Variants in GRM7 observed in about 807,000 individuals in gnomAD.
GRM7 encodes the protein metabotropic glutamate receptor 7.
GRM7 carries 35 observed loss-of-function variants against 84.5 expected under a neutral mutation model. The ratio of observed to expected loss-of-function variants is 0.41; its 90% CI spans 0.32 to 0.55. GRM7 has a LOEUF of 0.55. Ranked by LOEUF, GRM7 falls within the 20% of genes least tolerant of loss-of-function variation. The pLI, the probability that GRM7 is intolerant of heterozygous loss-of-function variation, is 0.19. For missense variants in GRM7, 1,003 were observed against 1,194.6 expected, an observed-to-expected ratio of 0.84 and a Z score of 2.36; for synonymous variants, 487 against 455.1, an observed-to-expected ratio of 1.07 and a Z score of -0.89.
At chr3:7,438,628 G>A (rs916619706) in intron 5 of GRM7, among the ~76,000 whole-genome samples, 1 of 152,000 alleles carries the variant, frequency 6.6e-6, no homozygotes, top group Non-Finnish European at 1.5e-5. Flanking sequence ...GAGAACAAAT[G>A]TAAGGAGAGG....
intron 4 of GRM7, among the ~76,000 whole-genome samples, chr3:7,323,091 C>T (rs188754477): frequency 3.9e-5 from 6 of 152,220 alleles, no homozygotes; most frequent in Non-Finnish European, 5.9e-5. Context: ...ATGAATTGTA[C>T]AAGAGAATTG....
chr3:7,436,794 C>T (rs549459494), intron 5 of GRM7, among the ~76,000 whole-genome samples: 2 of 152,302 alleles, frequency 1.3e-5, no homozygotes, highest in Non-Finnish European at 2.9e-5. Flanking sequence ...ATGAACTTTG[C>T]AGTCAGTCAA....
intron 1 of GRM7, among the ~76,000 whole-genome samples, chr3:7,016,788 A>G (rs1032677955): frequency 6.6e-6 from 1 of 152,220 alleles, no homozygotes; most frequent in Non-Finnish European, 1.5e-5. Flanking sequence ...GATTGCCACT[A>G]TAGTATTGTT....
intron 2 of GRM7, among the ~76,000 whole-genome samples, chr3:7,165,469 G>A (rs568502489): frequency 5.6e-4 from 86 of 152,288 alleles, no homozygotes; most frequent in African/African-American, 2.0e-3. Flanking sequence ...ATTTTTAGTT[G>A]GGTCAGGTTT....
At chr3:7,449,385 T>C (rs1396311597) in intron 5 of GRM7, among the ~76,000 whole-genome samples, 1 of 152,154 alleles carries the variant, frequency 6.6e-6, no homozygotes, top group African/African-American at 2.4e-5. Flanking sequence ...GCAAGGCTTC[T>C]GTTCTAGGTG....
chr3:7,256,677 C>T (rs1480470294), intron 2 of GRM7, among the ~76,000 whole-genome samples: 1 of 151,988 alleles, frequency 6.6e-6, no homozygotes, highest in Admixed American at 6.6e-5. Context: ...AGACCAAGTC[C>T]CTAAAGGGAA....
intron 6 of GRM7, among the ~76,000 whole-genome samples, chr3:7,459,126 T>C (rs1045600340): frequency 6.6e-6 from 1 of 152,146 alleles, no homozygotes; most frequent in African/African-American, 2.4e-5. Context: ...GGGGGTAGTG[T>C]CTAGGTAAAA....
chr3:7,407,159 T>C (rs1017277344), intron 4 of GRM7, among the ~76,000 whole-genome samples: 2 of 152,114 alleles, frequency 1.3e-5, no homozygotes, highest in Non-Finnish European at 2.9e-5. Context: ...AGGCAGGGGT[T>C]CAAGTTGGCA....
chr3:7,314,873 T>C (rs777929413), intron 4 of GRM7, among the ~76,000 whole-genome samples: 3 of 152,166 alleles, frequency 2.0e-5, no homozygotes, highest in Non-Finnish European at 4.4e-5. Context: ...TGGAATCTTA[T>C]GATGTAGTAG....
chr3:7,323,129 T>C (rs1700851553), intron 4 of GRM7, among the ~76,000 whole-genome samples: 1 of 152,132 alleles, frequency 6.6e-6, no homozygotes, highest in Non-Finnish European at 1.5e-5. Flanking sequence ...GGGATGGATA[T>C]GTGTATTCCA....
At chr3:7,351,602 G>A (rs1354876965) in intron 4 of GRM7, among the ~76,000 whole-genome samples, 1 of 152,060 alleles carries the variant, frequency 6.6e-6, no homozygotes, top group Non-Finnish European at 1.5e-5. Flanking sequence ...ACCTCAGTAT[G>A]AGTGGATACC....
intron 1 of GRM7, among the ~76,000 whole-genome samples, chr3:7,014,304 A>G (rs963813414): frequency 1.3e-5 from 2 of 152,156 alleles, no homozygotes; most frequent in African/African-American, 4.8e-5. Flanking sequence ...TAAATCAGCA[A>G]AATTAGTAAT....
intron 2 of GRM7, among the ~76,000 whole-genome samples, chr3:7,277,436 G>A (rs1412604505): frequency 6.6e-6 from 1 of 151,816 alleles, no homozygotes; most frequent in East Asian, 1.9e-4. Context: ...GTGGCATGGG[G>A]TACAGCTTCA....
chr3:7,100,883 G>T (rs1574904886), intron 1 of GRM7, among the ~76,000 whole-genome samples: 1 of 151,538 alleles, frequency 6.6e-6, no homozygotes, highest in Non-Finnish European at 1.5e-5. Flanking sequence ...GGATTTTTTT[G>T]CTTAACATGT....
chr3:7,427,138 A>G (rs1696643262), intron 5 of GRM7, among the ~76,000 whole-genome samples: 1 of 152,228 alleles, frequency 6.6e-6, no homozygotes, highest in Non-Finnish European at 1.5e-5. Context: ...GAAATTAGCA[A>G]CATCTGCATA....
At chr3:7,098,082 A>G (rs753910470) in intron 1 of GRM7, among the ~76,000 whole-genome samples, 1 of 152,100 alleles carries the variant, frequency 6.6e-6, no homozygotes, top group South Asian at 2.1e-4. Context: ...TAAAAATTGA[A>G]ACTGATTACC....
intron 7 of GRM7, among the ~76,000 whole-genome samples, chr3:7,467,645 TGAAAA>T (rs147308993): frequency 0.16 from 24,480 of 151,852 alleles, 2,330 homozygotes; most frequent in South Asian, 0.37. Flanking sequence ...ACTCAAAACT[TGAAAA>T]GAAAAACTAG....
chr3:7,003,330 T>C (rs749182620), intron 1 of GRM7, among the ~76,000 whole-genome samples: 2 of 152,196 alleles, frequency 1.3e-5, no homozygotes, highest in Non-Finnish European at 2.9e-5. Context: ...TGTATGCATA[T>C]ATCAAAACAT....
intron 1 of GRM7, among the ~76,000 whole-genome samples, chr3:7,140,290 G>T (rs1693906484): frequency 6.6e-6 from 1 of 151,950 alleles, no homozygotes; most frequent in African/African-American, 2.4e-5. Flanking sequence ...AACATGAAGT[G>T]GTTGAGTATT....
Sources: allele counts gnomAD v4.1 joint callset (sites outside exome capture counted in the v4.1 genomes callset), GRCh38; gene constraint gnomAD v4.1.1; transcripts MANE v1.5; gene names NCBI Gene and HGNC (gene_info 2026-07-23, HGNC 2026-07-21).